The following TYRP1 variants were observed in gnomAD, a reference collection of about 807,000 sequenced individuals.
TYRP1 encodes the protein tyrosinase related protein 1.
A neutral mutation model predicts 42.8 loss-of-function variants in TYRP1; 49 were observed. The observed-to-expected ratio is 1.14, with a 90% confidence interval of 0.91 to 1.45. The LOEUF is 1.45. Among genes scored for constraint, TYRP1 ranks in the 40% most tolerant of loss-of-function variants. The pLI is 0.00. For missense variants in TYRP1, 848 were observed against 662.0 expected (o/e 1.28, Z -3.08); for synonymous variants, 279 against 235.4 (o/e 1.19, Z -1.69).
chr9:12,696,543 C>A (rs1818082088), intron 3 of TYRP1, among the ~76,000 whole-genome samples: 1 of 151,982 alleles, frequency 6.6e-6, no homozygotes, highest in Non-Finnish European at 1.5e-5. Flanking sequence ...TGAAAAATAT[C>A]AAAATAATTA....
chr9:12,708,210 A>C lies in TYRP1; in HGVS notation c.1408+67A>C, dbSNP rs539684888. The C allele has an allele frequency of 1.7e-4, 263 of 1,567,004 alleles. 2 individuals carry two copies. The South Asian group carries it at 2.7e-3, about 16-fold the overall frequency. The stretch of plus-strand genomic sequence containing the variant: ...AGCAAATGTGTTATCTTTCAAGTAG[A>C]GTAATCACGGTATTCTGAAGCTATG... On this transcript the variant is annotated intron_variant, in intron 7 of 7. Coordinates refer to ENST00000388918, the MANE Select transcript of TYRP1 (RefSeq NM_000550.3).
In TYRP1 at chr9:12,709,896, G is replaced by C. The variant is rs2118282235; in HGVS notation, c.*714G>C. 6.5e-6 allele frequency: 1 copy of C among 152,790 alleles called. No individual in the cohort carries two copies. Among genetic ancestry groups the C allele is most frequent in the Non-Finnish European group, 1.5e-5 (1 of 68,558 alleles). The allele number at this position is 152,790 out of a possible 1,614,324, so 9.5% of individuals were successfully genotyped here. ...CCCTGCCTCTCAATTCGCTGAAAAA[G>C]GAACTACCTATCCTTACATTTCACC... On this transcript the variant is annotated 3_prime_UTR_variant, in exon 8 of 8. Coordinates refer to ENST00000388918, the MANE Select transcript of TYRP1 (RefSeq NM_000550.3).
intron 6 of TYRP1, among the ~76,000 whole-genome samples, chr9:12,706,717 T>G (rs1266090858): frequency 2.0e-5 from 3 of 151,896 alleles, no homozygotes; most frequent in Non-Finnish European, 4.4e-5. Context: ...TGCAAATACG[T>G]TTTAGAAATC....
Position 12,694,269 on chromosome 9 carries a change from C to T in TYRP1, c.273C>T (p.Pro91=). Residue 91 remains proline (P), a synonymous_variant, in exon 2 of 8, where the codon CCC becomes CCT. Transcript: ENST00000388918. ...HDGRDDREVW[P]LRFFNRTCHC... is the part of the protein sequence containing the mutation. Reference sequence around the variant, plus strand: ...GCAGAGATGATCGGGAGGTCTGGCCCTTGCGCTTCTTCAATAGGACATGTC... The same window carrying T: ...GCAGAGATGATCGGGAGGTCTGGCCTTTGCGCTTCTTCAATAGGACATGTC... 6.2e-7 allele frequency: 1 copy of T among 1,613,858 alleles called. No homozygotes were observed. Among genetic ancestry groups the T allele is most frequent in the African/African-American group, 1.3e-5 (1 of 75,030 alleles).
intron 3 of TYRP1, among the ~76,000 whole-genome samples, chr9:12,697,808 C>T (rs1414275277): frequency 1.3e-5 from 2 of 152,124 alleles, no homozygotes; most frequent in Non-Finnish European, 2.9e-5. Context: ...TACTCTGCTT[C>T]TGTTTAGCAT....
At chr9:12,703,421 A>T (rs545586302) in intron 5 of TYRP1, among the ~76,000 whole-genome samples, 11 of 139,100 alleles carry the variant, frequency 7.9e-5, no homozygotes, top group South Asian at 6.4e-4. Context: ...ATGATTCAAT[A>T]AAAAAAATCA....
chr9:12,695,876 A>C (rs368392803), intron 3 of TYRP1, 39 bp downstream of exon 3: 5 of 1,593,698 alleles, frequency 3.1e-6, no homozygotes, highest in Non-Finnish European at 4.3e-6. Context: ...CTCTTTACAG[A>C]CAAGATGCCT....
chr9:12,709,350 A>T lies in TYRP1; in HGVS notation c.*168A>T. The T allele has an allele frequency of 1.4e-6, 1 of 695,724 alleles. No homozygotes were observed. Among genetic ancestry groups the T allele is most frequent in the East Asian group, 2.7e-5 (1 of 36,602 alleles). The allele number at this position is 695,724 out of a possible 1,614,324, so 43.1% of individuals were successfully genotyped here. Reference sequence around the variant, plus strand: ...TTTTCAAAGCTGGGAAGACCCTTTCAGAATCTTTTCAATGGGTTTTAATTT... The same window carrying T: ...TTTTCAAAGCTGGGAAGACCCTTTCTGAATCTTTTCAATGGGTTTTAATTT... On this transcript the variant is annotated 3_prime_UTR_variant, in exon 8 of 8. Transcript: ENST00000388918.
At chr9:12,700,251 C>T (rs1818144349) in intron 4 of TYRP1, 2 of 152,060 alleles carry the variant, frequency 1.3e-5, no homozygotes, top group Admixed American at 6.6e-5. Flanking sequence ...TAGTTCCATT[C>T]GTCATCTTTT....
intron 4 of TYRP1, 49 bp from the exon 5 acceptor site, chr9:12,702,222 G>T: frequency 6.3e-7 from 1 of 1,595,934 alleles, no homozygotes; most frequent in Non-Finnish European, 8.6e-7. Context: ...GCGACAATAA[G>T]AACTCCAAAC....
chr9:12,695,503 G>T lies in TYRP1; in HGVS notation c.386-12G>T, dbSNP rs1309704448. The T allele has an allele frequency of 1.2e-6, 2 of 1,613,674 alleles. No individual in the cohort carries two copies. ...GCAGATGTTTTCATGCTTGAATTTTGTATCCCTAAAGTCAGGAGAAATCTT... is the reference window on the plus strand; with the variant it reads ...GCAGATGTTTTCATGCTTGAATTTTTTATCCCTAAAGTCAGGAGAAATCTT... On this transcript the variant is annotated splice_polypyrimidine_tract_variant and intron_variant, in intron 2 of 7. Transcript: ENST00000388918.
At chr9:12,707,347 T>A (rs1201346942) in intron 6 of TYRP1, among the ~76,000 whole-genome samples, 2 of 152,018 alleles carry the variant, frequency 1.3e-5, no homozygotes, top group Non-Finnish European at 2.9e-5. Flanking sequence ...AATACGATGC[T>A]ATACAAAATT....
rs191097930 is a variant in TYRP1, at chr9:12,693,834, A to G, written c.-85-78A>G. The G allele has an allele frequency of 5.6e-4, 449 of 802,792 alleles. 1 individual carries two copies. In the African/African-American group the frequency reaches 6.9e-3, roughly 12 times the overall value. 49.7% of individuals were successfully genotyped at this position (802,792 alleles called of 1,614,324 possible). Reference sequence around the variant, plus strand: ...TTTTACATATGGGTTCCATTTTGAAAGTGGTTTGGGAAGGGGGCATACCAT... The same window carrying G: ...TTTTACATATGGGTTCCATTTTGAAGGTGGTTTGGGAAGGGGGCATACCAT... On this transcript the variant is annotated intron_variant, in intron 1 of 7. Coordinates refer to ENST00000388918, the MANE Select transcript of TYRP1 (RefSeq NM_000550.3).
chr9:12,706,803 G>A lies in TYRP1; in HGVS notation c.1262-1194G>A, dbSNP rs1818266081. 2.6e-5 allele frequency among the ~76,000 whole-genome samples: 4 copies of A among 152,128 alleles called. No homozygotes were observed. The South Asian group carries it at 6.2e-4, about 24-fold the overall frequency. ...AAAAATTTATAAAACTGTCTGTAAAGCAAGAGTCTTGTTTAAAATAAGTCT... is the reference window on the plus strand; with the variant it reads ...AAAAATTTATAAAACTGTCTGTAAAACAAGAGTCTTGTTTAAAATAAGTCT... On this transcript the variant is annotated intron_variant, in intron 6 of 7. Coordinates refer to ENST00000388918, the MANE Select transcript of TYRP1 (RefSeq NM_000550.3).
At chr9:12,703,456 T>G (rs1361098449) in intron 5 of TYRP1, among the ~76,000 whole-genome samples, 2 of 152,054 alleles carry the variant, frequency 1.3e-5, no homozygotes, top group East Asian at 3.9e-4. Context: ...ATCTGTAAAC[T>G]AAGGCCATCA....
rs41303651 is a variant in TYRP1 at position 12,709,081 on chromosome 9, C to T, written c.1513C>T (p.Arg505Cys). Residue 505 changes from arginine (R) to cysteine (C), a missense_variant, in exon 8 of 8, where the codon CGC (arginine) becomes TGC (cysteine). Transcript: ENST00000388918. Reference protein sequence around the residue: ...GTASYLIRARRSMDEANQPLL... With the variant: ...GTASYLIRARCSMDEANQPLL... ...TGCTTCTTATCTGATTCGTGCCAGA[C>T]GCAGTATGGATGAAGCTAACCAGCC... The T allele has an allele frequency of 3.7e-5, 59 of 1,612,712 alleles. No individual in the cohort carries two copies. In the East Asian group the frequency reaches 6.7e-4, roughly 18 times the overall value.
At chr9:12,707,142 T>C (rs1818271320) in intron 6 of TYRP1, among the ~76,000 whole-genome samples, 1 of 152,052 alleles carries the variant, frequency 6.6e-6, no homozygotes, top group African/African-American at 2.4e-5. Flanking sequence ...GAGAATTATA[T>C]GAATTAAGTT....
At chr9:12,703,467 G>A (rs1818206637) in intron 5 of TYRP1, among the ~76,000 whole-genome samples, 2 of 151,776 alleles carry the variant, frequency 1.3e-5, no homozygotes, top group Admixed American at 1.3e-4. Context: ...AAGGCCATCA[G>A]CACTGATGTT....
At chr9:12,695,420 A>C (rs1818059101) in intron 2 of TYRP1, 95 bp from the exon 3 acceptor site, 1 of 1,115,544 alleles carries the variant, frequency 9.0e-7, no homozygotes, top group Non-Finnish European at 1.3e-6. Context: ...ACAGATGGAT[A>C]AATGGGTCGT....
Sources: allele counts gnomAD v4.1 joint callset (sites outside exome capture counted in the v4.1 genomes callset), GRCh38; gene constraint gnomAD v4.1.1; transcripts MANE v1.5; gene names NCBI Gene and HGNC (gene_info 2026-07-23, HGNC 2026-07-21).